BTD: variants seen among roughly 807,000 people sequenced by gnomAD.
The protein encoded by BTD is biotinidase.
BTD carries 13 observed loss-of-function variants against 17.7 expected under a neutral mutation model. The ratio of observed to expected loss-of-function variants is 0.74; its 90% CI spans 0.48 to 1.17. BTD has a LOEUF of 1.17. BTD is among the 50% of genes most tolerant of loss of function. The pLI, the probability that BTD is intolerant of heterozygous loss-of-function variation, is 0.00. For missense variants in BTD, 674 were observed against 650.4 expected, an observed-to-expected ratio of 1.04 and a Z score of -0.39; for synonymous variants, 240 against 245.2, an observed-to-expected ratio of 0.98 and a Z score of 0.20.
chr3:15,665,055 T>G (rs914318301), intron 3 of BTD, among the ~76,000 whole-genome samples: 1 of 152,188 alleles, frequency 6.6e-6, no homozygotes, highest in African/African-American at 2.4e-5. Flanking sequence ...TCTTTTCTAA[T>G]TAAGCTAGTA....
At chr3:15,716,174 G>C (rs1277317056), downstream of BTD, among the ~76,000 whole-genome samples, 2 of 150,462 alleles carry the variant, frequency 1.3e-5, no homozygotes, top group Non-Finnish European at 3.0e-5. Flanking sequence ...TAGAGATGGG[G>C]TTTCACCATG....
Position 15,675,596 on chromosome 3 carries a change from GGATCTT to G in BTD, c.399+33543_399+33548del, listed in dbSNP as rs201829366. ...AAATAAGAATATTAGTACTTAACTA[GGATCTT>G]GATACATATTTGCTGAAAGAACAAA... On this transcript the variant is annotated intron_variant, in intron 3 of 3. Transcript: ENST00000672141. Among the ~76,000 whole-genome samples the G allele has an allele frequency of 4.1e-3, 619 of 152,268 alleles. 1 individual carries two copies. Among genetic ancestry groups the G allele is most frequent in the East Asian group, 0.023 (118 of 5,178 alleles).
Position 15,652,420 on chromosome 3 carries a change from T to A in BTD, c.*6932T>A, listed in dbSNP as rs1306406577. On this transcript the variant is annotated 3_prime_UTR_variant, in exon 4 of 4. Transcript: ENST00000643237. ...AAAGCCAGTTGCCATCTCCCAAGGA[T>A]CCCTATGGACAGACCCATTTGGCAA... is the stretch of plus-strand genomic sequence containing the variant. 6.7e-6 allele frequency among the ~76,000 whole-genome samples: 1 copy of A among 148,846 alleles called. No homozygotes were observed. Among genetic ancestry groups the A allele is most frequent in the Non-Finnish European group, 1.5e-5 (1 of 67,338 alleles).
Position 15,647,538 on chromosome 3 carries a change from A to G in BTD, c.*2050A>G, listed in dbSNP as rs925809229. On this transcript the variant is annotated 3_prime_UTR_variant, in exon 4 of 4. Transcript: ENST00000643237. ...AGTAGAAATGAGGGGAAAAGCAACT[A>G]ATGGTGGTAGAACAAAGTAATTTTT... The G allele has an allele frequency of 2.6e-5, 4 of 152,224 alleles. No homozygotes were observed. In the South Asian group the frequency reaches 8.3e-4, roughly 31 times the overall value. 9.4% of individuals were successfully genotyped at this position (152,224 alleles called of 1,614,324 possible).
chr3:15,655,025 G>C (rs930917028), downstream of BTD, among the ~76,000 whole-genome samples: 18 of 152,106 alleles, frequency 1.2e-4, no homozygotes. Flanking sequence ...GAGCCACCGC[G>C]CCCGGCCTGC....
intron 3 of BTD, among the ~76,000 whole-genome samples, chr3:15,662,975 A>T (rs1300767162): frequency 6.6e-6 from 1 of 151,306 alleles, no homozygotes; most frequent in Non-Finnish European, 1.5e-5. Flanking sequence ...ATTTGCTGAG[A>T]ATTACTGCAT....
rs199502168 is a variant in BTD, at chr3:15,614,123, TTC to T, written c.-17+12231_-17+12232del. ...ATGTATTTTCTCCCTCTTTCTTTCT[TTC>T]TTTTTTTTTTTTTTTTAAGTCAAGG... On this transcript the variant is annotated intron_variant, in intron 1 of 3. Coordinates refer to ENST00000643237, the MANE Select transcript of BTD (RefSeq NM_001370658.1). Among the ~76,000 whole-genome samples the T allele has an allele frequency of 1.1e-3, 158 of 137,510 alleles. 2 individuals are homozygous for T. The highest frequency in any genetic ancestry group is 4.6e-3 in the African/African-American group (138 of 30,228). 90.2% of individuals were successfully genotyped at this position (137,510 alleles called of 152,430 possible).
At chr3:15,618,804 C>T (rs4582034) in intron 1 of BTD, among the ~76,000 whole-genome samples, 6,578 of 152,236 alleles carry the variant, frequency 0.043, 406 homozygotes, top group African/African-American at 0.14. Flanking sequence ...GGATTACAGG[C>T]GTGAGCCACT....
At chr3:15,695,238 A>G (rs753045435) in intron 3 of BTD, 1 of 1,538,094 alleles carries the variant, frequency 6.5e-7, no homozygotes, top group Non-Finnish European at 8.9e-7. Context: ...CAAAACAAAA[A>G]TATTTAGCTT....
At chr3:15,609,064 C>CT (rs2064541886) in intron 1 of BTD, among the ~76,000 whole-genome samples, 1 of 152,184 alleles carries the variant, frequency 6.6e-6, no homozygotes, top group African/African-American at 2.4e-5. Flanking sequence ...GGGGGTTGAA[C>CT]TGGGGACATC....
At chr3:15,714,470 C>T, downstream of BTD, 2 of 767,910 alleles carry the variant, frequency 2.6e-6, no homozygotes, top group East Asian at 3.1e-5. Context: ...ATTAAAAATA[C>T]ACAAAATGCG....
At chr3:15,685,917 GA>G (rs2068066127) in intron 3 of BTD, 2 of 1,044,378 alleles carry the variant, frequency 1.9e-6, no homozygotes, top group Non-Finnish European at 2.8e-6. Context: ...ATTTAATGAA[GA>G]AAAAATAAAC....
Position 15,626,844 on chromosome 3 carries a change from G to A in BTD, c.-16-8580G>A, listed in dbSNP as rs1197763845. Among the ~76,000 whole-genome samples the A allele has an allele frequency of 3.3e-5, 5 of 151,420 alleles. 1 individual carries two copies. The highest frequency in any genetic ancestry group is 1.2e-4 in the African/African-American group (5 of 41,172). Reference sequence around the variant, plus strand: ...TAGGACATAGGGGAGCTAGTCATATGTCTGTCCTACTGAGACTCTAGATGG... The same window carrying A: ...TAGGACATAGGGGAGCTAGTCATATATCTGTCCTACTGAGACTCTAGATGG... On this transcript the variant is annotated intron_variant, in intron 1 of 3. Transcript: ENST00000643237.
In BTD at chr3:15,602,785, C is replaced by T. The variant is rs186174564; in HGVS notation, c.-17+891C>T. Among the ~76,000 whole-genome samples, 255 of 152,100 alleles carry T rather than the reference C, an allele frequency of 1.7e-3. 1 individual carries two copies. The highest frequency in any genetic ancestry group is 4.9e-3 in the Admixed American group (75 of 15,264). Reference sequence around the variant, plus strand: ...CCCCTCTTTTTCTCAACCCCTCAACCCCACCCCAAGCAGAGGAGAGTGAAG... The same window carrying T: ...CCCCTCTTTTTCTCAACCCCTCAACTCCACCCCAAGCAGAGGAGAGTGAAG... On this transcript the variant is annotated intron_variant, in intron 1 of 3. Coordinates refer to ENST00000643237, the MANE Select transcript of BTD (RefSeq NM_001370658.1).
exon 5 of BTD, among the ~76,000 whole-genome samples, chr3:15,722,069 AG>A (rs1427859640): frequency 1.3e-5 from 2 of 152,142 alleles, no homozygotes; most frequent in Non-Finnish European, 2.9e-5. Flanking sequence ...CTAATAAATA[AG>A]GGAATAGTTT....
At chr3:15,699,456 A>G (rs1180241981) in intron 3 of BTD, among the ~76,000 whole-genome samples, 7 of 152,214 alleles carry the variant, frequency 4.6e-5, no homozygotes, top group African/African-American at 1.4e-4. Context: ...TGAACAGGCA[A>G]TCTACAGAAT....
rs556096072 is a variant in BTD at position 15,644,346 on chromosome 3, A to C, written c.430A>C (p.Arg144=). 1.2e-4 allele frequency: 194 copies of C among 1,613,828 alleles called. 1 individual carries two copies. The South Asian group carries it at 2.0e-3, about 17-fold the overall frequency. ...VLQRLSCMAI[R]GDMFLVANLG... is the part of the protein sequence containing the mutation. ...CCAGCGCCTGAGTTGTATGGCCATC[A>C]GGGGAGATATGTTCTTGGTGGCCAA... Residue 144 remains arginine (R), a synonymous_variant, in exon 4 of 4, where the codon AGG becomes CGG. Coordinates refer to ENST00000643237, the MANE Select transcript of BTD (RefSeq NM_001370658.1).
chr3:15,619,227 C>T (rs555136255), intron 1 of BTD, among the ~76,000 whole-genome samples: 1 of 152,326 alleles, frequency 6.6e-6, no homozygotes, highest in East Asian at 1.9e-4. Context: ...TCGTAGTTTA[C>T]TGAGAGTTAT....
intron 3 of BTD, among the ~76,000 whole-genome samples, chr3:15,674,174 C>CAAAAAAAAAAAAAA (rs34806568): frequency 1.2e-4 from 5 of 40,276 alleles, no homozygotes; most frequent in African/African-American, 2.2e-4. Flanking sequence ...CCTGCCTCTT[C>CAAAAAAAAAAAAAA]AAAAAAAAAA....
Sources: gnomAD v4.1 joint callset for allele counts (sites outside exome capture counted in the v4.1 genomes callset) on GRCh38, gnomAD v4.1.1 for gene constraint, MANE v1.5 for transcripts, NCBI Gene and HGNC (gene_info 2026-07-23, HGNC 2026-07-21) for gene names.